TCF4: variants seen among roughly 807,000 people sequenced by gnomAD.
TCF4 encodes transcription factor 4, also known as SL3-3 enhancer factor 2.
In TCF4, 3 loss-of-function variants were observed where a neutral mutation model predicts 82.1. The ratio of observed to expected loss-of-function variants is 0.04; its 90% CI spans 0.02 to 0.09. The LOEUF is 0.09. Ranked by LOEUF, TCF4 falls within the 10% of genes least tolerant of loss-of-function variation. TCF4 has a pLI of 1.00. For synonymous variants in TCF4, 276 were observed against 309.6 expected (o/e 0.89, Z 1.14); for missense variants, 518 against 852.7 (o/e 0.61, Z 4.89).
chr18:55,400,412 C>CA (rs2146403128), intron 6 of TCF4, among the ~76,000 whole-genome samples: 1 of 152,202 alleles, frequency 6.6e-6, no homozygotes, highest in Non-Finnish European at 1.5e-5. Flanking sequence ...AGTAAGAACT[C>CA]AAAAAAGTTC....
At chr18:55,434,723 G>A (rs988623385) in intron 5 of TCF4, among the ~76,000 whole-genome samples, 9 of 149,170 alleles carry the variant, frequency 6.0e-5, no homozygotes, top group African/African-American at 1.2e-4. Flanking sequence ...CACCGTGCCC[G>A]GCCAGGAATA....
rs559404537 is a variant in TCF4, at chr18:55,570,082, C to T, written c.145+15198G>A. 2.0e-5 allele frequency among the ~76,000 whole-genome samples: 3 copies of T among 152,038 alleles called. No individual in the cohort carries two copies. In the South Asian group the frequency reaches 6.2e-4, roughly 32 times the overall value. ...CAAACTAACCAAGTAGAATAAAAGG[C>T]CCAGAAGGAAAGACCCCACAAATAC... is the stretch of plus-strand genomic sequence containing the variant. On this transcript the variant is annotated intron_variant, in intron 3 of 19. Coordinates refer to ENST00000354452, the MANE Select transcript of TCF4 (RefSeq NM_001083962.2).
intron 2 of TCF4, among the ~76,000 whole-genome samples, chr18:55,608,369 A>T (rs200623080): frequency 9.6e-4 from 112 of 117,156 alleles, no homozygotes; most frequent in South Asian, 1.7e-3. Flanking sequence ...TTGCCACAGT[A>T]TTTTTTTTTT....
At chr18:55,525,706 C>G (rs1053741544) in intron 3 of TCF4, among the ~76,000 whole-genome samples, 1 of 152,150 alleles carries the variant, frequency 6.6e-6, no homozygotes. Context: ...AACCCAATTT[C>G]CACACCTCTG....
chr18:55,390,514 G>A (rs1052666730), intron 6 of TCF4, among the ~76,000 whole-genome samples: 1 of 152,054 alleles, frequency 6.6e-6, no homozygotes, highest in African/African-American at 2.4e-5. Flanking sequence ...TGCTGGTTAA[G>A]GCTCTATACA....
intron 3 of TCF4, among the ~76,000 whole-genome samples, chr18:55,468,675 A>G (rs2096087548): frequency 6.6e-6 from 1 of 152,238 alleles, no homozygotes; most frequent in Admixed American, 6.5e-5. Context: ...GTGGTACTGT[A>G]CAATGGTGGG....
chr18:55,450,902 T>A (rs1176089937), intron 5 of TCF4, among the ~76,000 whole-genome samples: 1 of 152,182 alleles, frequency 6.6e-6, no homozygotes, highest in Non-Finnish European at 1.5e-5. Context: ...CACACCAGGG[T>A]GTTCTTGGCC....
chr18:55,615,343 G>A (rs1268584545), intron 2 of TCF4, among the ~76,000 whole-genome samples: 1 of 151,438 alleles, frequency 6.6e-6, no homozygotes, highest in Non-Finnish European at 1.5e-5. Context: ...ATTTCTAATT[G>A]TTCTTAGTAT....
At chr18:55,498,500 G>A (rs1223090688) in intron 3 of TCF4, among the ~76,000 whole-genome samples, 1 of 152,212 alleles carries the variant, frequency 6.6e-6, no homozygotes, top group Non-Finnish European at 1.5e-5. Context: ...AAAGCCTTAT[G>A]TAAACTTACG....
chr18:55,581,063 G>T (rs1568453108), intron 3 of TCF4, among the ~76,000 whole-genome samples: 1 of 151,808 alleles, frequency 6.6e-6, no homozygotes, highest in Non-Finnish European at 1.5e-5. Context: ...GGAAGACCAG[G>T]CAAAAGAGAA....
chr18:55,588,684 C>T, upstream of TCF4: 1 of 1,330,558 alleles, frequency 7.5e-7, no homozygotes, highest in Non-Finnish European at 9.6e-7. Flanking sequence ...AAGACTTTGC[C>T]AAGAGGAACA....
At chr18:55,549,968 C>G (rs1428470349) in intron 3 of TCF4, among the ~76,000 whole-genome samples, 1 of 152,156 alleles carries the variant, frequency 6.6e-6, no homozygotes, top group Non-Finnish European at 1.5e-5. Flanking sequence ...ATGCCCTTGC[C>G]TAGCATGACC....
intron 3 of TCF4, among the ~76,000 whole-genome samples, chr18:55,465,599 C>T (rs72928959): frequency 0.047 from 7,185 of 152,156 alleles, 183 homozygotes; most frequent in African/African-American, 0.059. Context: ...AAACCTTCCC[C>T]AGATCTGCTG....
At chr18:55,360,247 A>T (rs73490844) in intron 6 of TCF4, among the ~76,000 whole-genome samples, 2 of 152,216 alleles carry the variant, frequency 1.3e-5, no homozygotes, top group Non-Finnish European at 2.9e-5. Context: ...AGCACTTGGA[A>T]TCTACCTTCT....
intron 5 of TCF4, chr18:55,404,043 CCATCATGATCAAGATGAT>C (rs1317798731): frequency 1.7e-6 from 2 of 1,144,004 alleles, no homozygotes; most frequent in Admixed American, 8.9e-5. Context: ...GGAGTGAACC[CCATCATGATCAAGATGAT>C]GATGGAATTT....
rs35262105 is a variant in TCF4, at chr18:55,426,099, T to TTATATATATATATATATA, written c.305-22599_305-22582dup. ...AAAACACAAACCAAGACAAAAAATT[T>TTATATATATATATATATA]TATATATATATATATATATACACAC... is the stretch of plus-strand genomic sequence containing the variant. On this transcript the variant is annotated intron_variant, in intron 5 of 19. Transcript: ENST00000354452. 2.2e-3 allele frequency among the ~76,000 whole-genome samples: 304 copies of TTATATATATATATATATA among 138,922 alleles called. 2 individuals are homozygous for TTATATATATATATATATA. Among genetic ancestry groups the TTATATATATATATATATA allele is most frequent in the African/African-American group, 8.1e-3 (284 of 35,188 alleles). The allele number at this position is 138,922 out of a possible 152,430, so 91.1% of individuals were successfully genotyped here.
intron 9 of TCF4, among the ~76,000 whole-genome samples, chr18:55,277,654 T>C (rs1255129863): frequency 6.6e-6 from 1 of 152,026 alleles, no homozygotes; most frequent in East Asian, 1.9e-4. Context: ...ATAAACAAAT[T>C]TGTTCCCCAT....
chr18:55,493,573 T>C (rs73479291), intron 3 of TCF4, among the ~76,000 whole-genome samples: 2,970 of 152,274 alleles, frequency 0.02, 104 homozygotes, highest in African/African-American at 0.068. Flanking sequence ...TAATGGAATA[T>C]AGTATAGGCT....
chr18:55,313,185 G>C (rs1337046544), intron 8 of TCF4, among the ~76,000 whole-genome samples: 3 of 152,104 alleles, frequency 2.0e-5, no homozygotes, highest in Non-Finnish European at 4.4e-5. Context: ...GGCAACTGTG[G>C]AACATGTTTA....
Sources: allele counts gnomAD v4.1 joint callset (sites outside exome capture counted in the v4.1 genomes callset), GRCh38; gene constraint gnomAD v4.1.1; transcripts MANE v1.5; gene names NCBI Gene and HGNC (gene_info 2026-07-23, HGNC 2026-07-21).